MYBBP1A: variants seen among roughly 807,000 people sequenced by gnomAD.
MYBBP1A encodes myb-binding protein 1A.
MYBBP1A carries 147 observed loss-of-function variants against 136.3 expected under a neutral mutation model. That is an observed-to-expected ratio of 1.08 (90% CI 0.94 to 1.24). The LOEUF is 1.24. Among genes scored for constraint, MYBBP1A ranks in the 50% most tolerant of loss-of-function variants. The probability of loss-of-function intolerance (pLI) is 0.00; values close to 1 mark genes in which losing one functional copy is unlikely to be tolerated. For synonymous variants in MYBBP1A, 947 were observed against 735.8 expected, an observed-to-expected ratio of 1.29 and a Z score of -4.65; for missense variants, 2,060 against 1,727.4, an observed-to-expected ratio of 1.19 and a Z score of -3.41.
chr17:4,549,742 C>T (rs577070734), intron 9 of MYBBP1A, among the ~76,000 whole-genome samples: 11 of 140,486 alleles, frequency 7.8e-5, no homozygotes, highest in African/African-American at 1.3e-4. Context: ...TGAGATCACA[C>T]GCCACTGCAC....
chr17:4,554,313 C>T, intron 2 of MYBBP1A, 35 bp from the exon 3 acceptor site: 1 of 1,592,960 alleles, frequency 6.3e-7, no homozygotes, highest in Non-Finnish European at 8.6e-7. Flanking sequence ...GAAGAGGGTT[C>T]AGGAGAGTGG....
At chr17:4,545,580 C>CA in intron 15 of MYBBP1A, 30 bp downstream of exon 15, 18 of 1,553,270 alleles carry the variant, frequency 1.2e-5, no homozygotes, top group Non-Finnish European at 1.6e-5. Context: ...AGCCCCAGCC[C>CA]ACATTCCACT....
rs1448166903 is a variant in MYBBP1A, at chr17:4,554,943, T to G, written c.212A>C (p.Lys71Thr). 2 of 1,613,486 alleles carry G rather than the reference T, an allele frequency of 1.2e-6. No individual in the cohort carries two copies. Among genetic ancestry groups the G allele is most frequent in the African/African-American group, 2.7e-5 (2 of 75,034 alleles). The change falls in exon 2 of 26, where the codon AAA (lysine) becomes ACA (threonine). Residue 71 changes from lysine to threonine, a missense_variant. By Grantham distance (78) the Lys-to-Thr change is moderately conservative. Transcript: ENST00000254718. ...LRGRPKGSEMKYALKRLITGL... is the reference protein window; with the variant it reads ...LRGRPKGSEMTYALKRLITGL... ...CGTGATTAGACGCTTCAGGGCATAT[T>G]TCATCTCGGACCCCTGCGGAACCAA... is the stretch of plus-strand genomic sequence containing the variant.
intron 19 of MYBBP1A, 65 bp from the exon 20 acceptor site, chr17:4,543,230 G>A: frequency 6.6e-7 from 1 of 1,508,780 alleles, no homozygotes; most frequent in Non-Finnish European, 8.8e-7. Flanking sequence ...GCCAAGCAGA[G>A]CCAACCCAAG....
rs752535780 is a variant in MYBBP1A at position 4,542,512 on chromosome 17, G to A, written c.3039C>T (p.Leu1013=). 4 of 1,612,538 alleles carry A rather than the reference G, an allele frequency of 2.5e-6. No individual in the cohort carries two copies. The East Asian group carries it at 6.7e-5, about 27-fold the overall frequency. The part of the protein sequence containing the change: ...SRHPVLCQSL[L]PILVQHITGP... Reference sequence around the variant, plus strand: ...CCGTGATATGCTGGACCAGGATGGGGAGCAGGCTCTGACAGAGCACCTGGT... The same window carrying A: ...CCGTGATATGCTGGACCAGGATGGGAAGCAGGCTCTGACAGAGCACCTGGT... Residue 1013 remains leucine (L), a synonymous_variant, in exon 22 of 26, where the codon CTC becomes CTT. Transcript: ENST00000254718.
chr17:4,540,416 C>T lies in MYBBP1A; in HGVS notation c.3366G>A (p.Gly1122=), dbSNP rs1178416879. ...LQGQQQSLQQ[G]AHSTGSSRLH... The stretch of plus-strand genomic sequence containing the variant: ...GGCGGCTGGAGCCGGTGGAGTGTGC[C>T]CCCTGCTGTAGGCTCTGCTGTTGCC... The change falls in exon 25 of 26, where the codon GGG becomes GGA. Residue 1122 remains glycine (G), a synonymous_variant. Transcript: ENST00000254718. 33 of 1,610,884 alleles carry T rather than the reference C, an allele frequency of 2.0e-5. No individual in the cohort carries two copies. Among genetic ancestry groups the T allele is most frequent in the Non-Finnish European group, 2.6e-5 (31 of 1,179,806 alleles).
In MYBBP1A at chr17:4,551,913, G is replaced by A. The variant is rs773820999; in HGVS notation, c.990C>T (p.Ile330=). Residue 330 remains isoleucine (I), a synonymous_variant, in exon 8 of 26, where the codon ATC becomes ATT. Transcript: ENST00000254718. ...TGCACACGTGCTCCCCGTAATGGCG[G>A]ATCACGTCTCCCTGCATCACCAGGT... The part of the protein sequence containing the change: ...QLHLVMQGDV[I]RHYGEHVCTA... The A allele has an allele frequency of 3.7e-6, 6 of 1,613,464 alleles. No homozygotes were observed. The highest frequency in any genetic ancestry group is 5.1e-6 in the Non-Finnish European group (6 of 1,179,810).
intron 17 of MYBBP1A, 32 bp downstream of exon 17, chr17:4,544,994 C>CGGGGG: frequency 2.1e-6 from 3 of 1,425,296 alleles, no homozygotes; most frequent in Non-Finnish European, 2.8e-6. Flanking sequence ...GAGCCCTCCC[C>CGGGGG]GGCCGCCCCC....
rs966439320 is a variant in MYBBP1A, at chr17:4,552,498, C to G, written c.690G>C (p.Lys230Asn). ...ATAGGTTCACGGATCCCACCAGCTTCTTGAGCTTGGAGGGCACCTTCTGCT... is the reference window on the plus strand; with the variant it reads ...ATAGGTTCACGGATCCCACCAGCTTGTTGAGCTTGGAGGGCACCTTCTGCT... ...LAQQKVPSKLKKLVGSVNLFS... is the reference protein window; with the variant it reads ...LAQQKVPSKLNKLVGSVNLFS... The change falls in exon 6 of 26, where the codon AAG (lysine) becomes AAC (asparagine). Residue 230 changes from lysine (K) to asparagine (N), a missense_variant. Lys to Asn is a moderately conservative substitution (Grantham distance 94). Coordinates refer to ENST00000254718, the MANE Select transcript of MYBBP1A (RefSeq NM_014520.4). The surrounding 1 kb of genome is among the most constrained non-coding windows in gnomAD (Gnocchi z 4.7). 6.2e-7 allele frequency: 1 copy of G among 1,613,896 alleles called. No individual in the cohort carries two copies. Among genetic ancestry groups the G allele is most frequent in the Non-Finnish European group, 8.5e-7 (1 of 1,180,040 alleles).
rs1907580593 is a variant in MYBBP1A, at chr17:4,552,193, G to C, written c.837C>G (p.Asp279Glu). ...LDLLRLALKE[D>E]KFPRFWKEVV... ...CCTCCTTCCAGAACCGTGGGAACTT[G>C]TCTTCCTTGAGTGCCAGGCGGAGCA... Residue 279 changes from aspartate (D) to glutamate (E), a missense_variant, in exon 7 of 26, where the codon GAC becomes GAG. Asp to Glu is a conservative substitution (Grantham distance 45, BLOSUM62 2). Transcript: ENST00000254718. The surrounding 1 kb of genome is among the most constrained non-coding windows in gnomAD (Gnocchi z 4.7). 6.2e-7 allele frequency: 1 copy of C among 1,614,126 alleles called. No homozygotes were observed. The highest frequency in any genetic ancestry group is 1.1e-5 in the South Asian group (1 of 91,090).
chr17:4,551,483 T>TG (rs1907495119), intron 8 of MYBBP1A, among the ~76,000 whole-genome samples: 1 of 151,998 alleles, frequency 6.6e-6, no homozygotes, highest in African/African-American at 2.4e-5. Context: ...CCAAGGCGGG[T>TG]GGATCACCTA....
intron 13 of MYBBP1A, chr17:4,547,715 T>G: frequency 2.3e-6 from 1 of 432,664 alleles, no homozygotes; most frequent in Non-Finnish European, 4.1e-6. Flanking sequence ...GGAGAGGGGG[T>G]GTCTGCCTCA....
At chr17:4,540,797 G>T (rs1906342577) in intron 24 of MYBBP1A, among the ~76,000 whole-genome samples, 1 of 152,156 alleles carries the variant, frequency 6.6e-6, no homozygotes, top group East Asian at 1.9e-4. Context: ...ATCACCGCGG[G>T]GCTGCCAAAG....
chr17:4,552,027 A>G lies in MYBBP1A; in HGVS notation c.906-30T>C, dbSNP rs1444368310. On this transcript the variant is annotated intron_variant, in intron 7 of 25. Coordinates refer to ENST00000254718, the MANE Select transcript of MYBBP1A (RefSeq NM_014520.4). The surrounding 1 kb of genome is among the most constrained non-coding windows in gnomAD (Gnocchi z 4.7). ...AGGGGGTGCAGGACAGAGCCTGGTCAGAGCCCTTGGTGCCCCTGGTGGGAA... is the reference window on the plus strand; with the variant it reads ...AGGGGGTGCAGGACAGAGCCTGGTCGGAGCCCTTGGTGCCCCTGGTGGGAA... 1.9e-6 allele frequency: 3 copies of G among 1,597,910 alleles called. No homozygotes were observed. The highest frequency in any genetic ancestry group is 1.7e-6 in the Non-Finnish European group (2 of 1,169,372).
At chr17:4,540,513 G>A (rs372985756) in intron 24 of MYBBP1A, 29 bp from the exon 25 acceptor site, 29 of 1,578,854 alleles carry the variant, frequency 1.8e-5, no homozygotes, top group Non-Finnish European at 2.4e-5. Context: ...CAGAGCTGTG[G>A]GGCCACAGAG....
Position 4,545,954 on chromosome 17 carries a change from G to A in MYBBP1A, c.1825-12C>T, listed in dbSNP as rs752157566. ...CTCTCTGCAGGGGACTGCGGGCAGGGTAGGACACACACTGGGGCCAGGCCC... is the reference window on the plus strand; with the variant it reads ...CTCTCTGCAGGGGACTGCGGGCAGGATAGGACACACACTGGGGCCAGGCCC... On this transcript the variant is annotated splice_polypyrimidine_tract_variant and intron_variant, in intron 13 of 25. Transcript: ENST00000254718. The A allele has an allele frequency of 5.0e-6, 8 of 1,611,106 alleles. No individual in the cohort carries two copies. In the Admixed American group the frequency reaches 1.2e-4, roughly 24 times the overall value.
In MYBBP1A at chr17:4,539,703, T is replaced by C; in HGVS notation, c.3699A>G (p.Pro1233=). 1.2e-6 allele frequency: 2 copies of C among 1,609,676 alleles called. No homozygotes were observed. Among genetic ancestry groups the C allele is most frequent in the Non-Finnish European group, 1.7e-6 (2 of 1,177,118 alleles). The part of the protein sequence containing the change: ...QANGTPTTKS[P]APGAPTRSPS... ...GGCTCCGGGTGGGGGCGCCAGGGGCTGGACTCTTGGTGGTTGGCGTCCCGT... is the reference window on the plus strand; with the variant it reads ...GGCTCCGGGTGGGGGCGCCAGGGGCCGGACTCTTGGTGGTTGGCGTCCCGT... Residue 1233 remains proline, a synonymous_variant, in exon 26 of 26, where the codon CCA becomes CCG. Coordinates refer to ENST00000254718, the MANE Select transcript of MYBBP1A (RefSeq NM_014520.4).
At position 4,539,343 on chromosome 17, in the gene MYBBP1A, TTA is replaced by T; in HGVS notation, c.*70_*71del. ...ACAGCTTGCGTATTAAAATCATGGT[TTA>T]AAAAAAAAAAAAAAAAATAGGCGTC... On this transcript the variant is annotated 3_prime_UTR_variant, in exon 26 of 26. Transcript: ENST00000254718. 6.1e-6 allele frequency: 9 copies of T among 1,482,108 alleles called. No individual in the cohort carries two copies. Among genetic ancestry groups the T allele is most frequent in the Non-Finnish European group, 7.1e-6 (8 of 1,125,454 alleles). 91.8% of individuals were successfully genotyped at this position (1,482,108 alleles called of 1,614,324 possible). A position where few individuals can be genotyped will look rare whatever the true frequency, so the allele number is the denominator to read the frequency against.
At position 4,545,274 on chromosome 17, in the gene MYBBP1A, C is replaced by T; in HGVS notation, c.2145G>A (p.Arg715=). Residue 715 remains arginine, a synonymous_variant, in exon 16 of 26, where the codon CGG becomes CGA. Coordinates refer to ENST00000254718, the MANE Select transcript of MYBBP1A (RefSeq NM_014520.4). ...CTGGCAACACCTCTGCACCCTTCAG[C>T]CGCCGCTCATCAGAATCGTCCGTCA... is the stretch of plus-strand genomic sequence containing the variant. ...VVVTDDSDER[R]LKGAEDKSEE... is the part of the protein sequence containing the mutation. 1 of 1,612,956 alleles carries T rather than the reference C, an allele frequency of 6.2e-7. No individual in the cohort carries two copies. Among genetic ancestry groups the T allele is most frequent in the Non-Finnish European group, 8.5e-7 (1 of 1,179,900 alleles).
Sources: allele counts gnomAD v4.1 joint callset (sites outside exome capture counted in the v4.1 genomes callset), GRCh38; gene constraint gnomAD v4.1.1; non-coding constraint Gnocchi (gnomAD v3.1); transcripts MANE v1.5; gene names NCBI Gene and HGNC (gene_info 2026-07-23, HGNC 2026-07-21).